The following ST3GAL3 variants were observed in gnomAD, a reference collection of about 807,000 sequenced individuals.
The protein encoded by ST3GAL3 is CMP-N-acetylneuraminate-beta-1,4-galactoside alpha-2,3-sialyltransferase.
A neutral mutation model predicts 50.1 loss-of-function variants in ST3GAL3; 21 were observed. The ratio of observed to expected loss-of-function variants is 0.42; its 90% CI spans 0.30 to 0.60. The LOEUF is 0.60. ST3GAL3 is among the 20% of genes least tolerant of loss of function. ST3GAL3 has a pLI of 0.19. For missense variants in ST3GAL3, 353 were observed against 489.4 expected, an observed-to-expected ratio of 0.72 and a Z score of 2.63; for synonymous variants, 183 against 190.0, an observed-to-expected ratio of 0.96 and a Z score of 0.30.
chr1:43,804,322 T>C (rs888237842), intron 3 of ST3GAL3, among the ~76,000 whole-genome samples: 1 of 152,226 alleles, frequency 6.6e-6, no homozygotes, highest in Non-Finnish European at 1.5e-5. Context: ...TGGAGTATAA[T>C]GCCTATGCCT....
intron 5 of ST3GAL3, among the ~76,000 whole-genome samples, chr1:43,853,512 A>G (rs2067739939): frequency 6.6e-6 from 1 of 152,218 alleles, no homozygotes; most frequent in Non-Finnish European, 1.5e-5. Context: ...CCAAGTCCAC[A>G]TATTTAACAA....
At chr1:43,874,921 GC>G (rs2073772647) in intron 5 of ST3GAL3, among the ~76,000 whole-genome samples, 1 of 152,152 alleles carries the variant, frequency 6.6e-6, no homozygotes, top group South Asian at 2.1e-4. Flanking sequence ...ATATATGATT[GC>G]CAGGAAGCAT....
chr1:43,824,692 T>C (rs2062551523), intron 4 of ST3GAL3: 1 of 1,613,366 alleles, frequency 6.2e-7, no homozygotes, highest in Non-Finnish European at 8.5e-7. Flanking sequence ...TCTTGAGCTA[T>C]GTGATCAAGA....
At chr1:43,917,599 TATATTA>T (rs1390600001) in intron 9 of ST3GAL3, among the ~76,000 whole-genome samples, 2 of 15,452 alleles carry the variant, frequency 1.3e-4, no homozygotes, top group Non-Finnish European at 1.7e-4. Flanking sequence ...ATATAATATA[TATATTA>T]TATATTATAT....
At chr1:43,752,729 C>G (rs1422719183) in intron 2 of ST3GAL3, among the ~76,000 whole-genome samples, 2 of 152,158 alleles carry the variant, frequency 1.3e-5, no homozygotes, top group Non-Finnish European at 2.9e-5. Flanking sequence ...TCTTGAACTC[C>G]TGGGCTCAAG....
In ST3GAL3 at chr1:43,899,057, T is replaced by A; in HGVS notation, c.462-111T>A. The A allele has an allele frequency of 6.7e-7, 1 of 1,501,618 alleles. No individual in the cohort carries two copies. Among genetic ancestry groups the A allele is most frequent in the Admixed American group, 1.9e-5 (1 of 53,874 alleles). The allele number at this position is 1,501,618 out of a possible 1,614,324, so 93.0% of individuals were successfully genotyped here. A position where few individuals can be genotyped will look rare whatever the true frequency, so the allele number is the denominator to read the frequency against. The stretch of plus-strand genomic sequence containing the variant: ...GCCAGAAGCCCATTGGTCTTCTTCC[T>A]CTATCCCAGCCTGGTCCTGGACAAG... On this transcript the variant is annotated intron_variant, in intron 7 of 11. Coordinates refer to ENST00000347631, the MANE Select transcript of ST3GAL3 (RefSeq NM_006279.5). The surrounding 1 kb of genome is among the most constrained non-coding windows in gnomAD (Gnocchi z 5.4).
chr1:43,914,424 C>T (rs544142912), intron 9 of ST3GAL3: 62 of 152,256 alleles, frequency 4.1e-4, no homozygotes, highest in African/African-American at 1.3e-3. Context: ...TGACCCCTAA[C>T]CCCTCAGACT....
At position 43,920,434 on chromosome 1, in the gene ST3GAL3, G is replaced by A; in HGVS notation, c.775G>A (p.Ala259Thr). 6.2e-7 allele frequency: 1 copy of A among 1,614,132 alleles called. No homozygotes were observed. Among genetic ancestry groups the A allele is most frequent in the Non-Finnish European group, 8.5e-7 (1 of 1,180,024 alleles). ...ATCGGATGGCTTCTGGAAATCTGTG[G>A]CCACTCGAGTGCCCAAGGAGCCCCC... ...SASDGFWKSV[A>T]TRVPKEPPEI... is the part of the protein sequence containing the mutation. The change falls in exon 10 of 12, where the codon GCC (alanine) becomes ACC (threonine). Residue 259 changes from alanine (A) to threonine (T), a missense_variant. Transcript: ENST00000347631.
intron 1 of ST3GAL3, among the ~76,000 whole-genome samples, chr1:43,714,471 A>G (rs1195453343): frequency 1.4e-5 from 2 of 145,240 alleles, no homozygotes; most frequent in East Asian, 4.2e-4. Flanking sequence ...TGGGCATGGC[A>G]GCGTGCACCT....
intron 3 of ST3GAL3, chr1:43,801,628 T>C: frequency 4.4e-6 from 1 of 226,664 alleles, no homozygotes; most frequent in Non-Finnish European, 8.9e-6. Flanking sequence ...TGAAAACATT[T>C]GTGATTTTTT....
chr1:43,880,245 C>A (rs958313846), intron 5 of ST3GAL3, among the ~76,000 whole-genome samples: 4 of 152,184 alleles, frequency 2.6e-5, no homozygotes, highest in Non-Finnish European at 4.4e-5. Context: ...GTGTGACTTA[C>A]CATGGTGACT....
rs748760556 is a variant in ST3GAL3, at chr1:43,899,335, T to A, written c.557+72T>A. On this transcript the variant is annotated intron_variant, in intron 8 of 11. Coordinates refer to ENST00000347631, the MANE Select transcript of ST3GAL3 (RefSeq NM_006279.5). This position sits in a 1 kb window ranked among gnomAD's most constrained non-coding sequence, Gnocchi z 5.4. ...CCTTAGTCCTGAGCCCATTGAGAAC[T>A]GTCTGTCTGGCTAGTTGGGCTGGAG... 1.5e-4 allele frequency: 244 copies of A among 1,612,798 alleles called. No homozygotes were observed. Among genetic ancestry groups the A allele is most frequent in the Non-Finnish European group, 2.0e-4 (238 of 1,179,416 alleles).
At chr1:43,917,430 A>G (rs2081991520) in intron 9 of ST3GAL3, among the ~76,000 whole-genome samples, 1 of 110,140 alleles carries the variant, frequency 9.1e-6, no homozygotes, top group Non-Finnish European at 1.8e-5. Flanking sequence ...TCTCTATACT[A>G]TCTTGCATAT....
At chr1:43,770,628 C>G (rs1558224493) in intron 2 of ST3GAL3, among the ~76,000 whole-genome samples, 1 of 151,994 alleles carries the variant, frequency 6.6e-6, no homozygotes, top group African/African-American at 2.4e-5. Context: ...CTCCTGGGCT[C>G]AAGCGTTCCT....
chr1:43,924,781 A>C (rs1464083206), intron 11 of ST3GAL3, among the ~76,000 whole-genome samples: 2 of 152,190 alleles, frequency 1.3e-5, no homozygotes, highest in African/African-American at 2.4e-5. Flanking sequence ...GATGAGACAG[A>C]CTCAAGAAAT....
At chr1:43,749,608 T>C (rs1558132495) in intron 2 of ST3GAL3, among the ~76,000 whole-genome samples, 1 of 152,020 alleles carries the variant, frequency 6.6e-6, no homozygotes, top group East Asian at 1.9e-4. Flanking sequence ...AAAAAGAAAC[T>C]GACAAAGGAC....
chr1:43,747,463 A>G (rs1389370366), intron 2 of ST3GAL3, among the ~76,000 whole-genome samples: 1 of 151,816 alleles, frequency 6.6e-6, no homozygotes, highest in African/African-American at 2.4e-5. Context: ...GGATGGGGAA[A>G]CGGGCCCAGG....
intron 2 of ST3GAL3, among the ~76,000 whole-genome samples, chr1:43,744,062 C>T (rs1682379605): frequency 2.6e-5 from 4 of 152,092 alleles, no homozygotes. Flanking sequence ...ACTATTTCAA[C>T]AAAAAAGCCA....
chr1:43,854,721 C>T (rs541806161), intron 5 of ST3GAL3, among the ~76,000 whole-genome samples: 12 of 152,318 alleles, frequency 7.9e-5, no homozygotes, highest in African/African-American at 1.7e-4. Flanking sequence ...GTGTATCCAA[C>T]GCACCGAATT....
Sources: allele counts gnomAD v4.1 joint callset (sites outside exome capture counted in the v4.1 genomes callset), GRCh38; gene constraint gnomAD v4.1.1; non-coding constraint Gnocchi (gnomAD v3.1); transcripts MANE v1.5; gene names NCBI Gene and HGNC (gene_info 2026-07-23, HGNC 2026-07-21).